PALS1: variants seen among roughly 807,000 people sequenced by gnomAD.
The protein encoded by PALS1 is protein PALS1.
In PALS1, 31 loss-of-function variants were observed where a neutral mutation model predicts 78.9. The observed-to-expected ratio is 0.39, with a 90% CI of 0.30 to 0.53. PALS1 has a LOEUF of 0.53. Among genes scored for constraint, PALS1 ranks in the 20% least tolerant of loss-of-function variants. The pLI is 0.67. For synonymous variants in PALS1, 276 were observed against 270.9 expected (o/e 1.02, Z -0.18); for missense variants, 704 against 826.5 (o/e 0.85, Z 1.82).
chr14:67,249,397 T>C (rs2084033538), intron 1 of PALS1, among the ~76,000 whole-genome samples: 1 of 152,246 alleles, frequency 6.6e-6, no homozygotes, highest in Admixed American at 6.5e-5. Context: ...CTATGACATG[T>C]AGCCACCTTG....
In PALS1 at chr14:67,292,698, C is replaced by G; in HGVS notation, c.555C>G (p.Asn185Lys). Residue 185 changes from asparagine to lysine, a missense_variant, in exon 4 of 15, where the codon AAC becomes AAG. Physicochemically the swap from Asn to Lys is moderately conservative, Grantham distance 94. Transcript: ENST00000261681. ...KASPPFPLIS[N>K]AQDLAQEVQT... ...GTCCTCCATTTCCTCTTATCTCCAA[C>G]GCACAAGATCTTGCTCAAGAGGTAT... 1 of 1,613,450 alleles carries G rather than the reference C, an allele frequency of 6.2e-7. No homozygotes were observed. The highest frequency in any genetic ancestry group is 1.7e-5 in the Admixed American group (1 of 60,012).
chr14:67,303,681 CACTGTTTCCTGT>C lies in PALS1; in HGVS notation c.1041+86_1041+97del. ...TTACTGTTTACTGTTACAGAAATGT[CACTGTTTCCTGT>C]ACTCAAATAAATTCAATCATTTTTA... On this transcript the variant is annotated intron_variant, in intron 8 of 14. Coordinates refer to ENST00000261681, the MANE Select transcript of PALS1 (RefSeq NM_022474.4). The C allele has an allele frequency of 7.4e-6, 7 of 949,230 alleles. No individual in the cohort carries two copies. In the South Asian group the frequency reaches 8.0e-5, roughly 11 times the overall value. The allele number at this position is 949,230 out of a possible 1,614,324, so 58.8% of individuals were successfully genotyped here.
At chr14:67,280,375 A>G (rs1239795015) in intron 3 of PALS1, among the ~76,000 whole-genome samples, 2 of 152,210 alleles carry the variant, frequency 1.3e-5, no homozygotes, top group African/African-American at 2.4e-5. Flanking sequence ...GAAAAAAGAT[A>G]TATTTCTACT....
intron 3 of PALS1, among the ~76,000 whole-genome samples, chr14:67,291,000 A>AT (rs1387650619): frequency 1.3e-5 from 2 of 152,236 alleles, no homozygotes; most frequent in Non-Finnish European, 2.9e-5. Flanking sequence ...CTAGGTAAAT[A>AT]TTTTTTAATG....
At chr14:67,287,550 A>C (rs1157808896) in intron 3 of PALS1, among the ~76,000 whole-genome samples, 1 of 152,236 alleles carries the variant, frequency 6.6e-6, no homozygotes, top group Non-Finnish European at 1.5e-5. Context: ...AAGATTGATA[A>C]TTCTTAAATT....
At chr14:67,284,702 T>C (rs973512123) in intron 3 of PALS1, among the ~76,000 whole-genome samples, 1 of 151,756 alleles carries the variant, frequency 6.6e-6, no homozygotes, top group Non-Finnish European at 1.5e-5. Flanking sequence ...TCTTTTTGGA[T>C]TTGCTTATTC....
intron 2 of PALS1, among the ~76,000 whole-genome samples, chr14:67,273,630 A>G (rs2084451276): frequency 6.6e-6 from 1 of 152,204 alleles, no homozygotes; most frequent in Non-Finnish European, 1.5e-5. Context: ...TCCTTTGGGT[A>G]TATACCCAGT....
chr14:67,309,722 C>T (rs533572586), intron 8 of PALS1, among the ~76,000 whole-genome samples: 2 of 152,196 alleles, frequency 1.3e-5, no homozygotes, highest in African/African-American at 4.8e-5. Flanking sequence ...GATTGCTGTA[C>T]CTAATAATTA....
Position 67,323,815 on chromosome 14 carries a change from A to G in PALS1, c.1851+3A>G. On this transcript the variant is annotated splice_donor_region_variant and intron_variant, in intron 14 of 14. Coordinates refer to ENST00000261681, the MANE Select transcript of PALS1 (RefSeq NM_022474.4). The stretch of plus-strand genomic sequence containing the variant: ...CCAAAGAAGGCAAGAATCCAAAGGT[A>G]AAGTTTTCACACTATTGTACTATTC... 1 of 1,482,042 alleles carries G rather than the reference A, an allele frequency of 6.7e-7. No homozygotes were observed. Among genetic ancestry groups the G allele is most frequent in the Non-Finnish European group, 9.3e-7 (1 of 1,072,874 alleles). 91.8% of individuals were successfully genotyped at this position (1,482,042 alleles called of 1,614,324 possible).
At chr14:67,294,528 G>T (rs966656089) in intron 4 of PALS1, 1 of 151,708 alleles carries the variant, frequency 6.6e-6, no homozygotes, top group Non-Finnish European at 1.5e-5. Flanking sequence ...AGTATTCTTT[G>T]TTTACATGGC....
intron 8 of PALS1, among the ~76,000 whole-genome samples, chr14:67,310,062 CTTT>C (rs34930516): frequency 2.8e-5 from 4 of 143,776 alleles, no homozygotes; most frequent in Admixed American, 6.9e-5. Flanking sequence ...TGCTCAAGCA[CTTT>C]TTTTTTTTTA....
chr14:67,295,448 C>G (rs1447810650), intron 4 of PALS1, among the ~76,000 whole-genome samples: 1 of 151,448 alleles, frequency 6.6e-6, no homozygotes, highest in East Asian at 1.9e-4. Context: ...TGAGATTGCA[C>G]CACTGCATTC....
intron 8 of PALS1, among the ~76,000 whole-genome samples, chr14:67,310,640 TAA>T (rs1284088645): frequency 6.6e-6 from 1 of 152,246 alleles, no homozygotes; most frequent in Non-Finnish European, 1.5e-5. Flanking sequence ...TAATAACATT[TAA>T]GTTTTGCTGG....
chr14:67,328,317 T>G (rs570876087), intron 14 of PALS1, among the ~76,000 whole-genome samples: 1 of 152,248 alleles, frequency 6.6e-6, no homozygotes, highest in Non-Finnish European at 1.5e-5. Context: ...TTGCCCACTT[T>G]TTGATGGGAT....
Position 67,312,682 on chromosome 14 carries a change from T to TA in PALS1, c.1199dup (p.Asn400LysfsTer28). The TA allele has an allele frequency of 6.2e-7, 1 of 1,611,044 alleles. No individual in the cohort carries two copies. Among genetic ancestry groups the TA allele is most frequent in the East Asian group, 2.2e-5 (1 of 44,828 alleles). On this transcript the variant is annotated frameshift_variant, in exon 9 of 15. Coordinates refer to ENST00000261681, the MANE Select transcript of PALS1 (RefSeq NM_022474.4). LOFTEE classifies it high-confidence loss of function. ...AGGCCTACAGGGAAGGGGACGAAGATAATCAACCTCTAGCCGGGCTTGTTC... is the reference window on the plus strand; with the variant it reads ...AGGCCTACAGGGAAGGGGACGAAGATAAATCAACCTCTAGCCGGGCTTGTTC...
intron 7 of PALS1, among the ~76,000 whole-genome samples, chr14:67,302,888 C>G (rs1413518279): frequency 6.6e-6 from 1 of 152,104 alleles, no homozygotes; most frequent in Non-Finnish European, 1.5e-5. Context: ...AGTAACAAAA[C>G]AAAGTCTGTG....
In PALS1 at chr14:67,323,771, A is replaced by G; in HGVS notation, c.1810A>G (p.Arg604Gly). 6.2e-7 allele frequency: 1 copy of G among 1,602,014 alleles called. No individual in the cohort carries two copies. The highest frequency in any genetic ancestry group is 8.5e-7 in the Non-Finnish European group (1 of 1,175,096). Residue 604 changes from arginine to glycine, a missense_variant, in exon 14 of 15, where the codon AGA becomes GGA. Arg to Gly is a moderately radical substitution (Grantham distance 125). Transcript: ENST00000261681. Reference protein sequence around the residue: ...IIFIAPPSQERLRALLAKEGK... With the variant: ...IIFIAPPSQEGLRALLAKEGK... Reference sequence around the variant, plus strand: ...CTTCATTGCACCCCCTTCACAAGAAAGACTTCGGGCATTATTGGCCAAAGA... The same window carrying G: ...CTTCATTGCACCCCCTTCACAAGAAGGACTTCGGGCATTATTGGCCAAAGA...
intron 1 of PALS1, among the ~76,000 whole-genome samples, chr14:67,265,759 A>G (rs181744919): frequency 1.6e-3 from 240 of 150,274 alleles, no homozygotes; most frequent in African/African-American, 5.6e-3. Context: ...CTGGAGGCTG[A>G]GGCATGAGAA....
intron 1 of PALS1, among the ~76,000 whole-genome samples, chr14:67,254,933 G>A (rs1257822101): frequency 6.6e-6 from 1 of 152,174 alleles, no homozygotes; most frequent in East Asian, 1.9e-4. Context: ...GGCAGATCAC[G>A]AGGTCAAGAG....
Sources: allele counts gnomAD v4.1 joint callset (sites outside exome capture counted in the v4.1 genomes callset), GRCh38; gene constraint gnomAD v4.1.1; transcripts MANE v1.5; gene names NCBI Gene and HGNC (gene_info 2026-07-23, HGNC 2026-07-21).